HSD17B12: variants seen among roughly 807,000 people sequenced by gnomAD.
HSD17B12 encodes the protein hydroxysteroid 17-beta dehydrogenase 12.
A neutral mutation model predicts 39.3 loss-of-function variants in HSD17B12; 32 were observed. The ratio of observed to expected loss-of-function variants is 0.81; its 90% CI spans 0.61 to 1.09. The LOEUF (loss-of-function observed/expected upper bound fraction) is 1.09. HSD17B12 is among the 50% of genes least tolerant of loss of function. HSD17B12 has a pLI of 0.00. For synonymous variants in HSD17B12, 150 were observed against 146.7 expected (o/e 1.02, Z -0.16); for missense variants, 342 against 382.9 (o/e 0.89, Z 0.89).
intron 1 of HSD17B12, among the ~76,000 whole-genome samples, chr11:43,687,987 G>A (rs1021812906): frequency 3.9e-5 from 6 of 152,148 alleles, no homozygotes; most frequent in African/African-American, 9.7e-5. Flanking sequence ...TGAAGTGGGC[G>A]GATCACTTGA....
chr11:43,842,945 A>G (rs1376621373), intron 9 of HSD17B12, among the ~76,000 whole-genome samples: 1 of 152,146 alleles, frequency 6.6e-6, no homozygotes, highest in African/African-American at 2.4e-5. Flanking sequence ...GTTTCCCTCA[A>G]AGATCTTTTC....
intron 4 of HSD17B12, among the ~76,000 whole-genome samples, chr11:43,808,054 G>C (rs1951035656): frequency 6.6e-6 from 1 of 152,114 alleles, no homozygotes; most frequent in Non-Finnish European, 1.5e-5. Flanking sequence ...TGAGCAACAG[G>C]GTACCATTTC....
chr11:43,842,049 A>T (rs1420111470), intron 9 of HSD17B12, among the ~76,000 whole-genome samples: 1 of 152,154 alleles, frequency 6.6e-6, no homozygotes, highest in African/African-American at 2.4e-5. Flanking sequence ...TGGGACTCAA[A>T]TCTGGGTCTG....
the HSD17B12 span, among the ~76,000 whole-genome samples, chr11:43,657,437 T>C: frequency 6.6e-6 from 1 of 152,364 alleles, no homozygotes; most frequent in East Asian, 1.9e-4. Flanking sequence ...AATTTGATCC[T>C]GTCACTATGA....
chr11:43,817,023 T>G (rs1179200700), intron 6 of HSD17B12, among the ~76,000 whole-genome samples: 26 of 24,670 alleles, frequency 1.1e-3, no homozygotes, highest in African/African-American at 3.0e-3. Flanking sequence ...TATCTATATC[T>G]ATATCTATAT....
the HSD17B12 span, among the ~76,000 whole-genome samples, chr11:43,633,070 A>C: frequency 6.6e-6 from 1 of 152,206 alleles, no homozygotes; most frequent in African/African-American, 2.4e-5. Flanking sequence ...GTAGTGGTGA[A>C]GTCTGGGCTT....
At chr11:43,706,689 G>GGTGTGTGT (rs147962977) in intron 1 of HSD17B12, among the ~76,000 whole-genome samples, 3,975 of 137,828 alleles carry the variant, frequency 0.029, 128 homozygotes, top group African/African-American at 0.084. Flanking sequence ...TGAATGAAGG[G>GGTGTGTGT]GTGTGTGTGT....
chr11:43,724,491 C>T (rs141617742), intron 1 of HSD17B12, among the ~76,000 whole-genome samples: 94 of 152,160 alleles, frequency 6.2e-4, no homozygotes, highest in Middle Eastern at 3.4e-3. Context: ...AAGTGGCTTA[C>T]GAACAACAGA....
chr11:43,811,225 T>G (rs933104725), intron 4 of HSD17B12, among the ~76,000 whole-genome samples: 1 of 152,230 alleles, frequency 6.6e-6, no homozygotes, highest in African/African-American at 2.4e-5. Flanking sequence ...TTCTGCATTT[T>G]ATGGAAATAA....
chr11:43,732,232 G>T (rs1950274362), intron 1 of HSD17B12, among the ~76,000 whole-genome samples: 1 of 152,110 alleles, frequency 6.6e-6, no homozygotes, highest in Non-Finnish European at 1.5e-5. Flanking sequence ...GTCCCTTTCT[G>T]CCATGATTGT....
chr11:43,756,428 G>A (rs151241198), intron 3 of HSD17B12, among the ~76,000 whole-genome samples: 2 of 152,226 alleles, frequency 1.3e-5, no homozygotes, highest in African/African-American at 4.8e-5. Context: ...TGACACTAAT[G>A]AGCCTGAGGT....
At position 43,856,080 on chromosome 11, in the gene HSD17B12, G is replaced by A. The variant is rs1951580749; in HGVS notation, c.*832G>A. ...CAATATTGATCACACATATGACACA[G>A]GCTAGTCCTATAAAAGTAATGACTT... On this transcript the variant is annotated 3_prime_UTR_variant, in exon 11 of 11. Transcript: ENST00000278353. 6.6e-6 allele frequency: 1 copy of A among 152,288 alleles called. No individual in the cohort carries two copies. The highest frequency in any genetic ancestry group is 2.4e-5 in the African/African-American group (1 of 41,350). The allele number at this position is 152,288 out of a possible 1,614,324, so 9.4% of individuals were successfully genotyped here.
At chr11:43,824,044 C>T (rs1294210105) in intron 6 of HSD17B12, among the ~76,000 whole-genome samples, 1 of 142,764 alleles carries the variant, frequency 7.0e-6, no homozygotes, top group Admixed American at 6.8e-5. Context: ...AAATTTTACA[C>T]CGAGATTTCT....
At chr11:43,737,998 G>A (rs1380349088) in intron 1 of HSD17B12, among the ~76,000 whole-genome samples, 4 of 150,824 alleles carry the variant, frequency 2.7e-5, no homozygotes, top group East Asian at 1.9e-4. Flanking sequence ...ATGTGAACCC[G>A]GCAGGCGGAG....
the HSD17B12 span, among the ~76,000 whole-genome samples, chr11:43,573,919 T>C: frequency 6.6e-6 from 1 of 152,230 alleles, no homozygotes; most frequent in African/African-American, 2.4e-5. Context: ...TCTGGCCACA[T>C]TTGATGACCC....
chr11:43,815,915 A>G (rs1951118163), intron 5 of HSD17B12, among the ~76,000 whole-genome samples: 1 of 152,188 alleles, frequency 6.6e-6, no homozygotes, highest in Admixed American at 6.6e-5. Context: ...CTCTACCAAA[A>G]TGAAAGTGAC....
the HSD17B12 span, among the ~76,000 whole-genome samples, chr11:43,602,930 G>A: frequency 1.3e-5 from 2 of 151,956 alleles, no homozygotes; most frequent in African/African-American, 4.8e-5. Context: ...TCAGGGTTAC[G>A]ATGCAATCCT....
chr11:43,617,959 G>A, the HSD17B12 span, among the ~76,000 whole-genome samples: 1 of 152,158 alleles, frequency 6.6e-6, no homozygotes, highest in African/African-American at 2.4e-5. Context: ...TAAGGAAACT[G>A]CATTAGACAT....
At chr11:43,561,400 C>T in the HSD17B12 span, among the ~76,000 whole-genome samples, 31 of 152,264 alleles carry the variant, frequency 2.0e-4, no homozygotes, top group South Asian at 6.2e-4. Context: ...TAGAGGAAGA[C>T]GGGCCTACAT....
Sources: gnomAD v4.1 joint callset for allele counts (sites outside exome capture counted in the v4.1 genomes callset) on GRCh38, gnomAD v4.1.1 for gene constraint, MANE v1.5 for transcripts, NCBI Gene and HGNC (gene_info 2026-07-23, HGNC 2026-07-21) for gene names.